The following CPPED1 variants were observed in gnomAD, a reference collection of about 807,000 sequenced individuals.
CPPED1 encodes serine/threonine-protein phosphatase CPPED1.
Under a neutral mutation model 28.0 loss-of-function variants are expected in CPPED1, and 28 were observed. The observed-to-expected ratio is 1.00, with a 90% CI of 0.74 to 1.37. The LOEUF is 1.37. Ranked by LOEUF, CPPED1 falls within the 40% of genes most tolerant of loss-of-function variation. The pLI is 0.00. For missense variants in CPPED1, 504 were observed against 416.5 expected, an observed-to-expected ratio of 1.21 and a Z score of -1.83; for synonymous variants, 198 against 180.2, an observed-to-expected ratio of 1.10 and a Z score of -0.79.
At chr16:12,793,207 AAGTT>A (rs2080606876) in intron 1 of CPPED1, among the ~76,000 whole-genome samples, 1 of 152,126 alleles carries the variant, frequency 6.6e-6, no homozygotes, top group South Asian at 2.1e-4. Context: ...GCAAATAACT[AAGTT>A]AGTTACACAA....
intron 2 of CPPED1, among the ~76,000 whole-genome samples, chr16:12,728,866 C>G (rs1317255366): frequency 6.6e-6 from 1 of 152,124 alleles, no homozygotes; most frequent in Admixed American, 6.6e-5. Flanking sequence ...ATACGGAGAC[C>G]CTGTCTCTTC....
chr16:12,677,563 A>G (rs890429000), intron 3 of CPPED1, among the ~76,000 whole-genome samples: 7 of 152,166 alleles, frequency 4.6e-5, no homozygotes, highest in African/African-American at 1.7e-4. Flanking sequence ...AATCACTTGA[A>G]CCTGGGAGGC....
At chr16:12,802,839 A>C (rs1348478668) in intron 1 of CPPED1, among the ~76,000 whole-genome samples, 1 of 152,226 alleles carries the variant, frequency 6.6e-6, no homozygotes, top group African/African-American at 2.4e-5. Flanking sequence ...AACCTGTTGC[A>C]GAACTGGGCA....
At chr16:12,776,252 T>C (rs1049694855) in intron 2 of CPPED1, among the ~76,000 whole-genome samples, 3 of 152,212 alleles carry the variant, frequency 2.0e-5, no homozygotes, top group African/African-American at 7.2e-5. Context: ...AGTTGGCCTC[T>C]AGAAGCTGGA....
intron 1 of CPPED1, among the ~76,000 whole-genome samples, chr16:12,798,694 A>C (rs2080641336): frequency 6.6e-6 from 1 of 152,240 alleles, no homozygotes; most frequent in South Asian, 2.1e-4. Context: ...TTCAGACCTA[A>C]AAATAATTAA....
rs535481586 is a variant in CPPED1 at position 12,783,161 on chromosome 16, A to T, written c.71-1758T>A. Among the ~76,000 whole-genome samples the T allele has an allele frequency of 3.3e-5, 5 of 152,314 alleles. No individual in the cohort carries two copies. In the East Asian group the frequency reaches 9.7e-4, roughly 29 times the overall value. On this transcript the variant is annotated intron_variant, in intron 1 of 3. Transcript: ENST00000381774. ...GTAAACAAGCAGGGAATAGAATCAGAGAGTATTAATGACTATGCAGATTAA... is the reference window on the plus strand; with the variant it reads ...GTAAACAAGCAGGGAATAGAATCAGTGAGTATTAATGACTATGCAGATTAA...
chr16:12,783,637 A>G (rs1463607427), intron 1 of CPPED1, among the ~76,000 whole-genome samples: 1 of 152,128 alleles, frequency 6.6e-6, no homozygotes. Context: ...CCACTTTCCC[A>G]CCCATCACAC....
chr16:12,670,621 C>A lies in CPPED1; in HGVS notation c.716-5506G>T, dbSNP rs1441946344. 6.6e-6 allele frequency among the ~76,000 whole-genome samples: 1 copy of A among 152,146 alleles called. No homozygotes were observed. The highest frequency in any genetic ancestry group is 1.5e-5 in the Non-Finnish European group (1 of 68,036). On this transcript the variant is annotated intron_variant, in intron 3 of 3. Coordinates refer to ENST00000381774, the MANE Select transcript of CPPED1 (RefSeq NM_018340.3). This position sits in a 1 kb window ranked among gnomAD's most constrained non-coding sequence, Gnocchi z 4.2. ...TGAATGTGATAGAAATGGCACTTCACCTCTGTGGTCTTCCTCTCCCAAATC... is the reference window on the plus strand; with the variant it reads ...TGAATGTGATAGAAATGGCACTTCAACTCTGTGGTCTTCCTCTCCCAAATC...
In CPPED1 at chr16:12,682,744, A is replaced by T. The variant is rs1355644589; in HGVS notation, c.716-17629T>A. 6.6e-6 allele frequency among the ~76,000 whole-genome samples: 1 copy of T among 152,266 alleles called. No individual in the cohort carries two copies. The highest frequency in any genetic ancestry group is 6.5e-5 in the Admixed American group (1 of 15,288). On this transcript the variant is annotated intron_variant, in intron 3 of 3. Coordinates refer to ENST00000381774, the MANE Select transcript of CPPED1 (RefSeq NM_018340.3). This position sits in a 1 kb window ranked among gnomAD's most constrained non-coding sequence, Gnocchi z 6.1. ...ACTTTCCTCTCATCCTTCTCTAAGT[A>T]TCTGATCAGAAGATCTTTTTCTTTT...
intron 2 of CPPED1, among the ~76,000 whole-genome samples, chr16:12,733,069 G>A (rs1225418124): frequency 6.6e-6 from 1 of 152,076 alleles, no homozygotes; most frequent in African/African-American, 2.4e-5. Context: ...ACGGGAAATT[G>A]GTAAGCTCAG....
chr16:12,731,441 C>A (rs369972037), intron 2 of CPPED1, among the ~76,000 whole-genome samples: 1 of 151,146 alleles, frequency 6.6e-6, no homozygotes, highest in African/African-American at 2.4e-5. Context: ...GGGCATGGGT[C>A]CCCCGGGGAA....
At chr16:12,681,940 A>G (rs2079907022) in intron 3 of CPPED1, among the ~76,000 whole-genome samples, 1 of 152,138 alleles carries the variant, frequency 6.6e-6, no homozygotes, top group African/African-American at 2.4e-5. Flanking sequence ...TGCCCACTTG[A>G]GTCCACAGCC....
At chr16:12,751,238 C>A (rs1025382183) in intron 2 of CPPED1, among the ~76,000 whole-genome samples, 1 of 152,086 alleles carries the variant, frequency 6.6e-6, no homozygotes, top group African/African-American at 2.4e-5. Context: ...ATCTAATAAC[C>A]CTTCTTTTTG....
intron 3 of CPPED1, among the ~76,000 whole-genome samples, chr16:12,703,943 C>A (rs1004452217): frequency 6.6e-6 from 1 of 152,088 alleles, no homozygotes; most frequent in Non-Finnish European, 1.5e-5. Flanking sequence ...TGTGCGTGCA[C>A]GTGTCTGTCA....
At chr16:12,740,444 CAA>C (rs1237046217) in intron 2 of CPPED1, among the ~76,000 whole-genome samples, 50 of 100,206 alleles carry the variant, frequency 5.0e-4, no homozygotes, top group African/African-American at 4.1e-4. Context: ...GACTCTGCCT[CAA>C]AAAAAAAAAA....
chr16:12,769,870 T>TA (rs2080460069), intron 2 of CPPED1, among the ~76,000 whole-genome samples: 2 of 152,166 alleles, frequency 1.3e-5, no homozygotes, highest in Admixed American at 1.3e-4. Context: ...AACTGTAGGG[T>TA]AAATTGTCTT....
chr16:12,688,408 T>C (rs1387107804), intron 3 of CPPED1, among the ~76,000 whole-genome samples: 1 of 150,610 alleles, frequency 6.6e-6, no homozygotes, highest in East Asian at 2.0e-4. Flanking sequence ...TTTTCGCTCA[T>C]TGCAACCTCC....
Position 12,663,064 on chromosome 16 carries a change from T to G in CPPED1, c.*1822A>C, listed in dbSNP as rs1265547958. 2 of 13,340 alleles carry G rather than the reference T, an allele frequency of 1.5e-4. No homozygotes were observed. Among genetic ancestry groups the G allele is most frequent in the Non-Finnish European group, 1.7e-3 (2 of 1,192 alleles). The allele number at this position is 13,340 out of a possible 1,614,324, so 0.8% of individuals were successfully genotyped here. On this transcript the variant is annotated 3_prime_UTR_variant, in exon 4 of 4. Transcript: ENST00000381774. ...AGTCTCAATGTGTGTGTGTGTGGTTTTTTTTTTTTTTTTTTGAGACAGAGT... is the reference window on the plus strand; with the variant it reads ...AGTCTCAATGTGTGTGTGTGTGGTTGTTTTTTTTTTTTTTTGAGACAGAGT...
intron 1 of CPPED1, among the ~76,000 whole-genome samples, chr16:12,802,556 G>A (rs1352199521): frequency 2.0e-5 from 3 of 152,216 alleles, no homozygotes; most frequent in African/African-American, 7.2e-5. Flanking sequence ...AGCCAAGATC[G>A]TGCCACTGCA....
Sources: gnomAD v4.1 joint callset for allele counts (sites outside exome capture counted in the v4.1 genomes callset) on GRCh38, gnomAD v4.1.1 for gene constraint, Gnocchi (gnomAD v3.1) non-coding constraint, MANE v1.5 for transcripts, NCBI Gene and HGNC (gene_info 2026-07-23, HGNC 2026-07-21) for gene names.